Variants in GPR180 observed in about 807,000 individuals in gnomAD.
GPR180 encodes integral membrane protein GPR180.
GPR180 carries 53 observed loss-of-function variants against 52.6 expected under a neutral mutation model. That is an observed-to-expected ratio of 1.01 (90% CI 0.81 to 1.27). The LOEUF (loss-of-function observed/expected upper bound fraction) is 1.27, where lower values mean the gene tolerates loss of function less well. GPR180 is among the 50% of genes most tolerant of loss of function. The pLI is 0.00. For missense variants in GPR180, 533 were observed against 527.0 expected, an observed-to-expected ratio of 1.01 and a Z score of -0.11; for synonymous variants, 200 against 193.1, an observed-to-expected ratio of 1.04 and a Z score of -0.30.
At chr13:94,613,713 A>G (rs1410179319) in intron 3 of GPR180, among the ~76,000 whole-genome samples, 1 of 152,194 alleles carries the variant, frequency 6.6e-6, no homozygotes, top group Non-Finnish European at 1.5e-5. Context: ...ACTTTCGACT[A>G]GTATAGATCA....
At chr13:94,606,871 T>C (rs994703229) in intron 2 of GPR180, among the ~76,000 whole-genome samples, 4 of 152,256 alleles carry the variant, frequency 2.6e-5, no homozygotes, top group African/African-American at 9.6e-5. Flanking sequence ...TTATTTACTT[T>C]GACCCTGAAT....
At chr13:94,609,543 T>C (rs1486770809) in intron 2 of GPR180, among the ~76,000 whole-genome samples, 1 of 152,168 alleles carries the variant, frequency 6.6e-6, no homozygotes, top group Non-Finnish European at 1.5e-5. Context: ...TTTTATATTT[T>C]ATCTAAGAGA....
chr13:94,603,711 A>T (rs959122305), intron 1 of GPR180, among the ~76,000 whole-genome samples: 2 of 152,182 alleles, frequency 1.3e-5, no homozygotes, highest in African/African-American at 4.8e-5. Flanking sequence ...TAAAATGTTT[A>T]ATCAAAGTGG....
chr13:94,627,200 A>T lies in GPR180; in HGVS notation c.*29A>T, dbSNP rs758597396. The T allele has an allele frequency of 6.2e-7, 1 of 1,602,204 alleles. No individual in the cohort carries two copies. Among genetic ancestry groups the T allele is most frequent in the Admixed American group, 1.7e-5 (1 of 59,558 alleles). Reference sequence around the variant, plus strand: ...TTGATTTTTGTTGAGAGGAAAAGTGAATTGGTTAAAAGAGTGCAATAAGGA... The same window carrying T: ...TTGATTTTTGTTGAGAGGAAAAGTGTATTGGTTAAAAGAGTGCAATAAGGA... On this transcript the variant is annotated 3_prime_UTR_variant, in exon 9 of 9. Coordinates refer to ENST00000376958, the MANE Select transcript of GPR180 (RefSeq NM_180989.6).
In GPR180 at chr13:94,612,310, A is replaced by G; in HGVS notation, c.425A>G (p.Glu142Gly). 6.2e-7 allele frequency: 1 copy of G among 1,613,930 alleles called. No individual in the cohort carries two copies. The highest frequency in any genetic ancestry group is 8.5e-7 in the Non-Finnish European group (1 of 1,179,780). The change falls in exon 3 of 9, where the codon GAA (glutamate) becomes GGA (glycine). Residue 142 changes from glutamate to glycine, a missense_variant. By Grantham distance (98) the Glu-to-Gly change is moderately conservative (BLOSUM62 -2). Transcript: ENST00000376958. ...CQDDKENSQV[E>G]DIPFEMVLLN... is the part of the protein sequence containing the mutation. ...GATGACAAGGAGAATTCTCAGGTGG[A>G]AGATATCCCATTTGAAATGGTGTTA...
chr13:94,603,684 G>A (rs1889590039), intron 1 of GPR180, among the ~76,000 whole-genome samples: 2 of 151,968 alleles, frequency 1.3e-5, no homozygotes. Flanking sequence ...TATATATACT[G>A]TATATTTAAA....
intron 2 of GPR180, 68 bp from the exon 3 acceptor site, chr13:94,612,122 T>C (rs1889714110): frequency 8.2e-7 from 1 of 1,223,376 alleles, no homozygotes; most frequent in East Asian, 2.3e-5. Context: ...TCAAATTGAT[T>C]ATATGACTAA....
intron 2 of GPR180, among the ~76,000 whole-genome samples, chr13:94,608,052 TAGTC>T (rs1197540498): frequency 6.6e-6 from 1 of 152,220 alleles, no homozygotes; most frequent in Non-Finnish European, 1.5e-5. Flanking sequence ...TTGTATCACA[TAGTC>T]AGTATTTATA....
At chr13:94,603,355 G>A (rs138962123) in intron 1 of GPR180, among the ~76,000 whole-genome samples, 1 of 152,316 alleles carries the variant, frequency 6.6e-6, no homozygotes, top group African/African-American at 2.4e-5. Context: ...GACCAGCAGA[G>A]AGACTTGGAC....
At chr13:94,613,956 G>T (rs1250277445) in intron 3 of GPR180, among the ~76,000 whole-genome samples, 1 of 149,918 alleles carries the variant, frequency 6.7e-6, no homozygotes, top group African/African-American at 2.5e-5. Flanking sequence ...TCGGCCCACC[G>T]CAACCTCTGC....
chr13:94,619,786 C>T lies in GPR180; in HGVS notation c.736+269C>T, dbSNP rs538658425. Among the ~76,000 whole-genome samples the T allele has an allele frequency of 1.7e-4, 26 of 152,276 alleles. No individual in the cohort carries two copies. The East Asian group carries it at 5.0e-3, about 29-fold the overall frequency. ...AGGCTGGAGTGCAGTGGCACAGTCA[C>T]GGCTCACTGCAGCCTCAAACTCCTA... On this transcript the variant is annotated intron_variant, in intron 5 of 8. Transcript: ENST00000376958.
At chr13:94,611,219 G>A (rs146176030) in intron 2 of GPR180, among the ~76,000 whole-genome samples, 4 of 152,034 alleles carry the variant, frequency 2.6e-5, no homozygotes, top group African/African-American at 9.6e-5. Context: ...AATAACTTCT[G>A]CATTCCTGTA....
In GPR180 at chr13:94,632,970, G is replaced by A. The variant is rs1159862751; in HGVS notation, c.*5799G>A. ...CAATACTCTGGTGTGTTCTAGGAGG[G>A]TGACATGTCCCTGAGGGCACAGAAA... On this transcript the variant is annotated 3_prime_UTR_variant, in exon 9 of 9. Transcript: ENST00000376958. The A allele has an allele frequency of 6.6e-6, 1 of 152,190 alleles. No individual in the cohort carries two copies. Among genetic ancestry groups the A allele is most frequent in the Non-Finnish European group, 1.5e-5 (1 of 68,092 alleles). The allele number at this position is 152,190 out of a possible 1,614,324, so 9.4% of individuals were successfully genotyped here.
chr13:94,632,488 A>G lies in GPR180; in HGVS notation c.*5317A>G, dbSNP rs1890011495. On this transcript the variant is annotated 3_prime_UTR_variant, in exon 9 of 9. Transcript: ENST00000376958. ...TTTTTCACCAATTGCATAGAACTCC[A>G]TTATATGGATGTATTTTGATTTTTT... is the stretch of plus-strand genomic sequence containing the variant. 1.3e-5 allele frequency: 2 copies of G among 152,188 alleles called. No homozygotes were observed. The highest frequency in any genetic ancestry group is 2.1e-4 in the South Asian group (1 of 4,836). The allele number at this position is 152,188 out of a possible 1,614,324, so 9.4% of individuals were successfully genotyped here. A position where few individuals can be genotyped will look rare whatever the true frequency, so the allele number is the denominator to read the frequency against.
intron 3 of GPR180, among the ~76,000 whole-genome samples, chr13:94,616,987 T>C (rs1889786492): frequency 6.6e-6 from 1 of 152,220 alleles, no homozygotes; most frequent in African/African-American, 2.4e-5. Flanking sequence ...TTGTTTAATA[T>C]GTTATGTCAA....
chr13:94,627,085 A>G lies in GPR180; in HGVS notation c.1237A>G (p.Ser413Gly). The change falls in exon 9 of 9, where the codon AGT becomes GGT. Residue 413 changes from serine (S) to glycine (G), a missense_variant. Ser to Gly is a moderately conservative substitution (Grantham distance 56). Coordinates refer to ENST00000376958, the MANE Select transcript of GPR180 (RefSeq NM_180989.6). ...VILYRLFLSH[S>G]LYWEVSSLSS... ...TCTCTACAGACTCTTTCTGTCTCAC[A>G]GTCTATACTGGGAAGTTTCTTCACT... 1 of 1,612,558 alleles carries G rather than the reference A, an allele frequency of 6.2e-7. No homozygotes were observed. The highest frequency in any genetic ancestry group is 8.5e-7 in the Non-Finnish European group (1 of 1,178,950).
chr13:94,620,241 T>G (rs1053454039), intron 5 of GPR180, among the ~76,000 whole-genome samples: 1 of 152,208 alleles, frequency 6.6e-6, no homozygotes, highest in Non-Finnish European at 1.5e-5. Context: ...TTCCACTCTC[T>G]GTTATAACTG....
At chr13:94,621,382 T>A (rs1358987891) in intron 6 of GPR180, 147 bp downstream of exon 6, 4 of 566,000 alleles carry the variant, frequency 7.1e-6, no homozygotes, top group Non-Finnish European at 1.2e-5. Flanking sequence ...ACAATTTGTG[T>A]CATTTAAAGT....
chr13:94,620,048 A>G (rs554849210), intron 5 of GPR180, among the ~76,000 whole-genome samples: 3 of 152,292 alleles, frequency 2.0e-5, no homozygotes, highest in East Asian at 3.9e-4. Context: ...GTATATTTAT[A>G]TACATTCTCT....
Sources: allele counts gnomAD v4.1 joint callset (sites outside exome capture counted in the v4.1 genomes callset), GRCh38; gene constraint gnomAD v4.1.1; transcripts MANE v1.5; gene names NCBI Gene and HGNC (gene_info 2026-07-23, HGNC 2026-07-21).